The following CYP20A1 variants were observed in gnomAD, a reference collection of about 807,000 sequenced individuals.
CYP20A1 encodes the protein cytochrome P450 family 20 subfamily A member 1.
In CYP20A1, 61 loss-of-function variants were observed where a neutral mutation model predicts 61.4. The observed-to-expected ratio is 0.99, with a 90% confidence interval of 0.81 to 1.23. The LOEUF is 1.23. CYP20A1 is among the 50% of genes most tolerant of loss of function. The pLI is 0.00. For synonymous variants in CYP20A1, 193 were observed against 188.2 expected (o/e 1.03, Z -0.21); for missense variants, 530 against 542.4 (o/e 0.98, Z 0.23).
intron 11 of CYP20A1, among the ~76,000 whole-genome samples, chr2:203,292,780 G>T (rs1037677601): frequency 2.0e-5 from 3 of 151,950 alleles, no homozygotes; most frequent in Non-Finnish European, 4.4e-5. Flanking sequence ...TATATCTTCT[G>T]TTGACTGCTT....
chr2:203,284,144 CT>C (rs1389624723), intron 8 of CYP20A1, among the ~76,000 whole-genome samples: 9 of 152,242 alleles, frequency 5.9e-5, no homozygotes, highest in Admixed American at 5.2e-4. Context: ...TACCAGGTTA[CT>C]ACTGATTTTA....
In CYP20A1 at chr2:203,266,693, G is replaced by A. The variant is rs778682994; in HGVS notation, c.600+12G>A. 2.5e-6 allele frequency: 4 copies of A among 1,610,998 alleles called. No individual in the cohort carries two copies. The highest frequency in any genetic ancestry group is 3.3e-5 in the Admixed American group (2 of 59,942). On this transcript the variant is annotated intron_variant, in intron 5 of 12. Coordinates refer to ENST00000356079, the MANE Select transcript of CYP20A1 (RefSeq NM_177538.3). ...AGAATCATGGCACAGTAAGTCTGGG[G>A]CTAAATTTAAAATTACTCTTTCAGG...
rs551427259 is a variant in CYP20A1, at chr2:203,270,736, C to CT, written c.601-1919dup. ...TATATAAATATTTACTTTTTTTTTT[C>CT]TTTTTTTTTTTTTTTAGGCTGCAGT... On this transcript the variant is annotated intron_variant, in intron 5 of 12. Coordinates refer to ENST00000356079, the MANE Select transcript of CYP20A1 (RefSeq NM_177538.3). 1.3e-3 allele frequency among the ~76,000 whole-genome samples: 166 copies of CT among 127,894 alleles called. 2 individuals carry two copies. The highest frequency in any genetic ancestry group is 2.2e-3 in the East Asian group (10 of 4,528). The allele number at this position is 127,894 out of a possible 152,430, so 83.9% of individuals were successfully genotyped here. A position where few individuals can be genotyped will look rare whatever the true frequency, so the allele number is the denominator to read the frequency against.
intron 5 of CYP20A1, among the ~76,000 whole-genome samples, chr2:203,271,753 G>C (rs929878620): frequency 6.6e-6 from 1 of 152,134 alleles, no homozygotes; most frequent in South Asian, 2.1e-4. Context: ...ACAAAAATGA[G>C]GGCTGGGCGC....
chr2:203,261,002 C>T (rs1034686647), intron 4 of CYP20A1, among the ~76,000 whole-genome samples: 11 of 150,292 alleles, frequency 7.3e-5, no homozygotes, highest in Non-Finnish European at 1.0e-4. Flanking sequence ...TTAGTGTTTC[C>T]AGAGGTCTTT....
chr2:203,263,420 G>A (rs1474695856), intron 4 of CYP20A1, among the ~76,000 whole-genome samples: 1 of 151,858 alleles, frequency 6.6e-6, no homozygotes, highest in Non-Finnish European at 1.5e-5. Context: ...CTCCCGAGTA[G>A]CTGGGATTAC....
At chr2:203,251,133 G>A (rs952894049) in intron 3 of CYP20A1, among the ~76,000 whole-genome samples, 3 of 145,824 alleles carry the variant, frequency 2.1e-5, no homozygotes, top group Non-Finnish European at 4.5e-5. Flanking sequence ...ACAGTATCTC[G>A]GATGCATTTT....
At position 203,303,664 on chromosome 2, in the gene CYP20A1, C is replaced by T. The variant is rs2069109457; in HGVS notation, c.*6756C>T. Among the ~76,000 whole-genome samples the T allele has an allele frequency of 6.6e-6, 1 of 151,756 alleles. No homozygotes were observed. Among genetic ancestry groups the T allele is most frequent in the African/African-American group, 2.4e-5 (1 of 41,416 alleles). ...GAGCCGAGATCGCGCCATTGCACTC[C>T]AGTGTGGGTGACGAGCGAAAATCCG... On this transcript the variant is annotated 3_prime_UTR_variant, in exon 13 of 13. Transcript: ENST00000356079.
chr2:203,255,314 A>G (rs1274851815), intron 4 of CYP20A1, among the ~76,000 whole-genome samples: 1 of 152,236 alleles, frequency 6.6e-6, no homozygotes, highest in East Asian at 1.9e-4. Context: ...TAAAAAAACT[A>G]TGATATTATA....
At chr2:203,293,789 C>T (rs540797446) in intron 11 of CYP20A1, among the ~76,000 whole-genome samples, 2 of 152,112 alleles carry the variant, frequency 1.3e-5, no homozygotes, top group African/African-American at 4.8e-5. Flanking sequence ...CAAGAATTTC[C>T]CTTTTTTAAA....
intron 4 of CYP20A1, among the ~76,000 whole-genome samples, chr2:203,252,327 T>C (rs1344414707): frequency 6.6e-6 from 1 of 152,028 alleles, no homozygotes; most frequent in African/African-American, 2.4e-5. Context: ...TAAGTTGGAA[T>C]GATGAGAGTA....
At chr2:203,239,734 G>T (rs1307735378) in intron 1 of CYP20A1, among the ~76,000 whole-genome samples, 2 of 152,210 alleles carry the variant, frequency 1.3e-5, no homozygotes, top group East Asian at 3.8e-4. Flanking sequence ...CTCTGCCGCT[G>T]ACGCCTCTGC....
Position 203,289,785 on chromosome 2 carries a change from G to A in CYP20A1, c.992G>A (p.Cys331Tyr), listed in dbSNP as rs755461089. 8.3e-6 allele frequency: 13 copies of A among 1,572,962 alleles called. No individual in the cohort carries two copies. In the East Asian group the frequency reaches 2.8e-4, roughly 34 times the overall value. ...EQLRYCQHVLCETVRTAKLTP... is the reference protein window; with the variant it reads ...EQLRYCQHVLYETVRTAKLTP... The stretch of plus-strand genomic sequence containing the variant: ...AACAGATATTGTCAGCATGTGCTTT[G>A]TGAAACTGTTCGAACTGCCAAACTG... The change falls in exon 10 of 13, where the codon TGT becomes TAT. Residue 331 changes from cysteine to tyrosine, a missense_variant. Cys to Tyr is a radical substitution (Grantham distance 194). Transcript: ENST00000356079.
intron 4 of CYP20A1, among the ~76,000 whole-genome samples, chr2:203,254,566 G>A (rs544383943): frequency 1.5e-4 from 23 of 150,950 alleles, no homozygotes; most frequent in Middle Eastern, 3.4e-3. Flanking sequence ...AAAAAAAATT[G>A]TTATCATTCC....
At chr2:203,283,655 T>G (rs1191623146) in intron 8 of CYP20A1, among the ~76,000 whole-genome samples, 1 of 151,378 alleles carries the variant, frequency 6.6e-6, no homozygotes, top group Non-Finnish European at 1.5e-5. Context: ...TTCAAGCAAT[T>G]CTCCTGCCTC....
intron 11 of CYP20A1, among the ~76,000 whole-genome samples, chr2:203,295,131 G>C (rs1227036059): frequency 6.8e-6 from 1 of 147,302 alleles, no homozygotes; most frequent in African/African-American, 2.5e-5. Context: ...TTTTTTTTTT[G>C]TATTTTTAGT....
intron 6 of CYP20A1, among the ~76,000 whole-genome samples, chr2:203,273,408 G>C (rs1454386498): frequency 6.6e-6 from 1 of 152,138 alleles, no homozygotes; most frequent in East Asian, 1.9e-4. Context: ...AGATATTTTT[G>C]TAGTACTGTT....
chr2:203,269,247 G>T (rs1208735313), intron 5 of CYP20A1, among the ~76,000 whole-genome samples: 2 of 151,012 alleles, frequency 1.3e-5, no homozygotes, highest in South Asian at 2.1e-4. Context: ...TTCAAGACCA[G>T]CCTGGGCAAC....
intron 2 of CYP20A1, 31 bp downstream of exon 2, chr2:203,245,926 A>C (rs1341974643): frequency 7.1e-7 from 1 of 1,404,626 alleles, no homozygotes; most frequent in African/African-American, 1.4e-5. Context: ...AATTAAGTAG[A>C]GTTAATTCTT....
Sources: allele counts gnomAD v4.1 joint callset (sites outside exome capture counted in the v4.1 genomes callset), GRCh38; gene constraint gnomAD v4.1.1; transcripts MANE v1.5; gene names NCBI Gene and HGNC (gene_info 2026-07-23, HGNC 2026-07-21).